The following DIAPH3 variants were observed in gnomAD, a reference collection of about 807,000 sequenced individuals.
DIAPH3 encodes protein diaphanous homolog 3.
In DIAPH3, 117 loss-of-function variants were observed where a neutral mutation model predicts 144.3. That is an observed-to-expected ratio of 0.81 (90% CI 0.70 to 0.95). The LOEUF is 0.95. Among genes scored for constraint, DIAPH3 ranks in the 40% least tolerant of loss-of-function variants. The pLI is 0.00. For missense variants in DIAPH3, 1,421 were observed against 1,412.7 expected (o/e 1.01, Z -0.09); for synonymous variants, 519 against 488.9 (o/e 1.06, Z -0.81).
intron 27 of DIAPH3, among the ~76,000 whole-genome samples, chr13:59,714,403 TACACA>T: frequency 6.8e-6 from 1 of 147,868 alleles, no homozygotes; most frequent in Non-Finnish European, 1.5e-5. Context: ...GGCATGGTGG[TACACA>T]CCTGTAGTCC....
chr13:59,864,009 T>C (rs76890537), intron 21 of DIAPH3, among the ~76,000 whole-genome samples: 5,526 of 152,222 alleles, frequency 0.036, 117 homozygotes, highest in Non-Finnish European at 0.049. Flanking sequence ...GTATACATTA[T>C]AGTGGAACTA....
intron 24 of DIAPH3, among the ~76,000 whole-genome samples, chr13:59,823,035 C>T (rs143278593): frequency 1.3e-3 from 193 of 151,954 alleles, no homozygotes; most frequent in African/African-American, 4.3e-3. Context: ...TTCTCACTAC[C>T]GTATTAGAAT....
At chr13:59,980,122 G>T (rs927717986) in intron 14 of DIAPH3, among the ~76,000 whole-genome samples, 1 of 151,558 alleles carries the variant, frequency 6.6e-6, no homozygotes, top group Non-Finnish European at 1.5e-5. Flanking sequence ...GCATAAATGG[G>T]TTAAAGAAAA....
chr13:59,875,510 G>A (rs2044563451), intron 21 of DIAPH3, among the ~76,000 whole-genome samples: 1 of 150,948 alleles, frequency 6.6e-6, no homozygotes, highest in Non-Finnish European at 1.5e-5. Context: ...AAGAGAGGAG[G>A]AGAAAGAGAG....
chr13:59,845,581 C>CA (rs1389807785), intron 22 of DIAPH3, among the ~76,000 whole-genome samples: 2 of 152,136 alleles, frequency 1.3e-5, no homozygotes, highest in Admixed American at 6.6e-5. Context: ...TATTCATCTC[C>CA]AAAATACATA....
intron 20 of DIAPH3, among the ~76,000 whole-genome samples, chr13:59,883,115 C>T (rs1356344391): frequency 6.6e-6 from 1 of 152,062 alleles, no homozygotes; most frequent in African/African-American, 2.4e-5. Flanking sequence ...TTGACTGGGC[C>T]CCATTCAGTG....
intron 17 of DIAPH3, among the ~76,000 whole-genome samples, chr13:59,925,923 C>T (rs1334433838): frequency 6.6e-6 from 1 of 151,924 alleles, no homozygotes; most frequent in Non-Finnish European, 1.5e-5. Context: ...TCTTTTTCTT[C>T]TAATGGTTTA....
intron 27 of DIAPH3, among the ~76,000 whole-genome samples, chr13:59,755,538 C>T (rs747936044): frequency 2.0e-5 from 3 of 151,954 alleles, no homozygotes; most frequent in Non-Finnish European, 4.4e-5. Context: ...AAACATACCA[C>T]ACTGATTAAA....
chr13:60,002,304 G>A (rs1446227879), intron 9 of DIAPH3, among the ~76,000 whole-genome samples: 2 of 152,106 alleles, frequency 1.3e-5, no homozygotes, highest in Non-Finnish European at 2.9e-5. Context: ...GAAACAAACT[G>A]AACAGATTTC....
chr13:59,684,062 A>C (rs1443374432), intron 27 of DIAPH3, among the ~76,000 whole-genome samples: 4 of 152,070 alleles, frequency 2.6e-5, no homozygotes, highest in Non-Finnish European at 5.9e-5. Flanking sequence ...AAAAAAAAAA[A>C]AACAAGGCCA....
intron 13 of DIAPH3, among the ~76,000 whole-genome samples, chr13:59,981,890 T>A (rs58212670): frequency 6.6e-6 from 1 of 151,472 alleles, no homozygotes; most frequent in Non-Finnish European, 1.5e-5. Flanking sequence ...CTTTCTATTA[T>A]AAAAGATTAA....
intron 20 of DIAPH3, among the ~76,000 whole-genome samples, chr13:59,880,695 A>G (rs2044962103): frequency 6.6e-6 from 1 of 152,052 alleles, no homozygotes; most frequent in Non-Finnish European, 1.5e-5. Flanking sequence ...ATTGAGCAAT[A>G]AAGAATTAGT....
At chr13:59,805,391 T>TTAC (rs1213904439) in intron 25 of DIAPH3, among the ~76,000 whole-genome samples, 1 of 152,068 alleles carries the variant, frequency 6.6e-6, no homozygotes, top group Non-Finnish European at 1.5e-5. Flanking sequence ...CATAAAATTA[T>TTAC]TACTACTACT....
chr13:60,162,717 C>G (rs1304649041), intron 1 of DIAPH3, among the ~76,000 whole-genome samples: 1 of 151,730 alleles, frequency 6.6e-6, no homozygotes, highest in Non-Finnish European at 1.5e-5. Flanking sequence ...CCATTATTCC[C>G]TTAATTTGTG....
At chr13:59,748,629 C>T (rs1314148728) in intron 27 of DIAPH3, among the ~76,000 whole-genome samples, 2 of 152,170 alleles carry the variant, frequency 1.3e-5, no homozygotes, top group Non-Finnish European at 2.9e-5. Flanking sequence ...ACTTTCATTG[C>T]TACAAGTGTT....
intron 4 of DIAPH3, among the ~76,000 whole-genome samples, chr13:60,063,965 A>T (rs2056865479): frequency 6.6e-6 from 1 of 152,196 alleles, no homozygotes; most frequent in Non-Finnish European, 1.5e-5. Flanking sequence ...ATACCTCTTC[A>T]TCAGAACTCT....
At chr13:59,783,916 C>A (rs1030163009) in intron 25 of DIAPH3, among the ~76,000 whole-genome samples, 4 of 152,070 alleles carry the variant, frequency 2.6e-5, no homozygotes, top group Non-Finnish European at 4.4e-5. Context: ...GAGGGTAATG[C>A]ACAAGGCAAA....
intron 24 of DIAPH3, among the ~76,000 whole-genome samples, chr13:59,828,071 C>A (rs1348208159): frequency 1.3e-5 from 2 of 152,006 alleles, no homozygotes; most frequent in East Asian, 3.9e-4. Context: ...GTATGAACTT[C>A]ACTTGGTATA....
At chr13:59,861,134 T>G (rs2043555299) in intron 22 of DIAPH3, 2 of 1,056,170 alleles carry the variant, frequency 1.9e-6, no homozygotes, top group Middle Eastern at 3.2e-4. Context: ...GATTTAGCAG[T>G]AGAAGGTAGG....
Sources: gnomAD v4.1 joint callset for allele counts (sites outside exome capture counted in the v4.1 genomes callset) on GRCh38, gnomAD v4.1.1 for gene constraint, MANE v1.5 for transcripts, NCBI Gene and HGNC (gene_info 2026-07-23, HGNC 2026-07-21) for gene names.